DLGAP4: variants seen among roughly 807,000 people sequenced by gnomAD.
DLGAP4 encodes the protein disks large-associated protein 4.
A neutral mutation model predicts 86.9 loss-of-function variants in DLGAP4; 18 were observed. That is an observed-to-expected ratio of 0.21 (90% CI 0.14 to 0.31). The LOEUF is 0.31. DLGAP4 is among the 10% of genes least tolerant of loss of function. DLGAP4 has a pLI of 1.00. For missense variants in DLGAP4, 1,085 were observed against 1,362.6 expected (o/e 0.80, Z 3.21); for synonymous variants, 548 against 574.3 (o/e 0.95, Z 0.65).
intron 6 of DLGAP4, among the ~76,000 whole-genome samples, chr20:36,443,733 T>C (rs1307844861): frequency 2.6e-5 from 4 of 152,134 alleles, no homozygotes; most frequent in African/African-American, 4.8e-5. Flanking sequence ...CCAGCAGCGC[T>C]GACCAGCTGG....
Position 36,432,755 on chromosome 20 carries a change from T to G in DLGAP4, c.999+39T>G. 1 of 1,604,546 alleles carries G rather than the reference T, an allele frequency of 6.2e-7. No individual in the cohort carries two copies. On this transcript the variant is annotated intron_variant, in intron 3 of 12. Transcript: ENST00000339266. The surrounding 1 kb of genome is among the most constrained non-coding windows in gnomAD (Gnocchi z 6.5). ...AGGGTCAGGGGTGGGATGAGGGCTC[T>G]GGGGACGGCACCAGTTTTGAGGCCT... is the stretch of plus-strand genomic sequence containing the variant.
chr20:36,428,379 C>T (rs2033038571), intron 2 of DLGAP4, among the ~76,000 whole-genome samples: 1 of 152,178 alleles, frequency 6.6e-6, no homozygotes, highest in Non-Finnish European at 1.5e-5. Flanking sequence ...AAGAAACTAG[C>T]AAACAAGTAA....
At chr20:36,364,356 G>C (rs1434936411) in intron 1 of DLGAP4, among the ~76,000 whole-genome samples, 1 of 152,024 alleles carries the variant, frequency 6.6e-6, no homozygotes, top group Non-Finnish European at 1.5e-5. Context: ...GGCCAGGCCT[G>C]GGCAACATAG....
At chr20:36,404,587 C>T (rs931118696) in intron 2 of DLGAP4, among the ~76,000 whole-genome samples, 4 of 152,154 alleles carry the variant, frequency 2.6e-5, no homozygotes, top group Non-Finnish European at 4.4e-5. Flanking sequence ...AGCTCCTCTA[C>T]GAGAGACCGT....
At chr20:36,376,981 A>G (rs1475564101) in intron 2 of DLGAP4, among the ~76,000 whole-genome samples, 1 of 152,144 alleles carries the variant, frequency 6.6e-6, no homozygotes, top group African/African-American at 2.4e-5. Flanking sequence ...GGTGGGTGAG[A>G]GAGCTGGCTG....
chr20:36,449,807 G>A (rs1413072046), intron 7 of DLGAP4, among the ~76,000 whole-genome samples: 1 of 152,186 alleles, frequency 6.6e-6, no homozygotes, highest in African/African-American at 2.4e-5. Flanking sequence ...TCCCTGTATT[G>A]GTCAGCTCTT....
chr20:36,430,391 A>G (rs2033095854), intron 2 of DLGAP4, among the ~76,000 whole-genome samples: 1 of 152,314 alleles, frequency 6.6e-6, no homozygotes, highest in Non-Finnish European at 1.5e-5. Flanking sequence ...TACTTGGTAG[A>G]CATTCGGTGA....
chr20:36,313,113 G>A (rs2065067400), intron 1 of DLGAP4, among the ~76,000 whole-genome samples: 1 of 152,100 alleles, frequency 6.6e-6, no homozygotes, highest in Admixed American at 6.5e-5. Flanking sequence ...CCTGCCGCCT[G>A]GCTTCTCCAC....
At chr20:36,429,512 C>T (rs1275400) in intron 2 of DLGAP4, among the ~76,000 whole-genome samples, 58,460 of 146,588 alleles carry the variant, frequency 0.4, 11,590 homozygotes, top group East Asian at 0.62. Context: ...TCAAGTGATT[C>T]TCCAGAAGCC....
intron 2 of DLGAP4, among the ~76,000 whole-genome samples, chr20:36,392,222 G>A (rs946778549): frequency 1.3e-5 from 2 of 152,196 alleles, no homozygotes; most frequent in African/African-American, 4.8e-5. Flanking sequence ...AGAGACAGGA[G>A]AGGAGCAAGT....
chr20:36,318,225 A>G (rs1041347043), intron 1 of DLGAP4, among the ~76,000 whole-genome samples: 1 of 151,784 alleles, frequency 6.6e-6, no homozygotes, highest in Non-Finnish European at 1.5e-5. Context: ...AGGCAGAGTG[A>G]TAAGGGCTGT....
At chr20:36,451,846 C>T (rs935042551) in intron 7 of DLGAP4, among the ~76,000 whole-genome samples, 2 of 150,802 alleles carry the variant, frequency 1.3e-5, no homozygotes, top group African/African-American at 2.4e-5. Flanking sequence ...TCTCAACCTC[C>T]GCCTCCTGGA....
At chr20:36,472,070 C>G (rs562527347) in intron 7 of DLGAP4, among the ~76,000 whole-genome samples, 1 of 152,168 alleles carries the variant, frequency 6.6e-6, no homozygotes, top group African/African-American at 2.4e-5. Flanking sequence ...GCCTCCTCCC[C>G]CAAGCCAGCA....
chr20:36,309,263 G>T (rs996176324), intron 1 of DLGAP4, among the ~76,000 whole-genome samples: 3 of 152,142 alleles, frequency 2.0e-5, no homozygotes, highest in Non-Finnish European at 2.9e-5. Context: ...TCATTACCCC[G>T]TGCCCATCCT....
At chr20:36,463,872 C>T (rs180837700) in intron 7 of DLGAP4, among the ~76,000 whole-genome samples, 112 of 152,302 alleles carry the variant, frequency 7.4e-4, no homozygotes, top group Admixed American at 1.3e-3. Flanking sequence ...ATGAGATCAG[C>T]TGTTCAAGCG....
At chr20:36,360,294 A>G (rs1205815832) in intron 1 of DLGAP4, among the ~76,000 whole-genome samples, 1 of 152,142 alleles carries the variant, frequency 6.6e-6, no homozygotes, top group Non-Finnish European at 1.5e-5. Context: ...ATGCTGGGAT[A>G]AAGTCCAGCC....
chr20:36,417,391 G>T (rs76466997), intron 2 of DLGAP4, among the ~76,000 whole-genome samples: 1 of 115,994 alleles, frequency 8.6e-6, no homozygotes, highest in African/African-American at 3.1e-5. Context: ...TTTTGTTTTT[G>T]TTTTTTCTGA....
intron 10 of DLGAP4, among the ~76,000 whole-genome samples, chr20:36,520,719 T>TC (rs1304006392): frequency 2.0e-5 from 3 of 152,058 alleles, no homozygotes; most frequent in Admixed American, 6.6e-5. Flanking sequence ...TGCTTTTTTT[T>TC]CCCTTCTTTA....
chr20:36,525,710 CAGATACTTACCCA>C (rs2037709878), intron 11 of DLGAP4, 128 bp from the exon 12 acceptor site: 2 of 1,125,408 alleles, frequency 1.8e-6, no homozygotes, highest in East Asian at 4.8e-5. Context: ...TTCATTCATA[CAGATACTTACCCA>C]GACACTAGGC....
Sources: allele counts gnomAD v4.1 joint callset (sites outside exome capture counted in the v4.1 genomes callset), GRCh38; gene constraint gnomAD v4.1.1; non-coding constraint Gnocchi (gnomAD v3.1); transcripts MANE v1.5; gene names NCBI Gene and HGNC (gene_info 2026-07-23, HGNC 2026-07-21).